The following MAST4 variants were observed in gnomAD, a reference collection of about 807,000 sequenced individuals.
The protein encoded by MAST4 is microtubule-associated serine/threonine-protein kinase 4.
In MAST4, 89 loss-of-function variants were observed where a neutral mutation model predicts 162.7. The ratio of observed to expected loss-of-function variants is 0.55; its 90% CI spans 0.46 to 0.65. MAST4 has a LOEUF of 0.65. Ranked by LOEUF, MAST4 falls within the 30% of genes least tolerant of loss-of-function variation. The probability of loss-of-function intolerance (pLI) is 0.00; values close to 1 mark genes in which losing one functional copy is unlikely to be tolerated. For missense variants in MAST4, 3,153 were observed against 3,374.0 expected (o/e 0.93, Z 1.62); for synonymous variants, 1,479 against 1,361.1 (o/e 1.09, Z -1.91).
intron 1 of MAST4, among the ~76,000 whole-genome samples, chr5:66,689,335 A>G (rs1036215092): frequency 2.6e-5 from 4 of 152,146 alleles, no homozygotes; most frequent in Admixed American, 6.6e-5. Context: ...CTGTCCCCTA[A>G]TCCGAGTTTC....
intron 1 of MAST4, among the ~76,000 whole-genome samples, chr5:66,635,126 C>T (rs1745027419): frequency 6.6e-6 from 1 of 152,214 alleles, no homozygotes; most frequent in African/African-American, 2.4e-5. Flanking sequence ...CTAAAGAGCA[C>T]CAAATCTTTC....
intron 5 of MAST4, among the ~76,000 whole-genome samples, chr5:67,081,236 G>T (rs1762620184): frequency 6.6e-6 from 1 of 150,838 alleles, no homozygotes; most frequent in Admixed American, 6.7e-5. Context: ...TTGGGTAAGA[G>T]TAGCAATAGG....
Position 67,004,730 on chromosome 5 carries a change from A to G in MAST4, c.675-49674A>G, listed in dbSNP as rs552038988. ...ATAGCTGGCCGAGCCTGACTAGGAG[A>G]GGGCAGACCCGAGAGGAAATCAGTT... On this transcript the variant is annotated intron_variant, in intron 4 of 28. Coordinates refer to ENST00000403625, the MANE Select transcript of MAST4 (RefSeq NM_001164664.2). The G allele has an allele frequency of 7.1e-6, 3 of 422,866 alleles. No individual in the cohort carries two copies. The East Asian group carries it at 1.3e-4, about 18-fold the overall frequency. The allele number at this position is 422,866 out of a possible 1,614,324, so 26.2% of individuals were successfully genotyped here. A position where few individuals can be genotyped will look rare whatever the true frequency, so the allele number is the denominator to read the frequency against.
chr5:66,878,846 G>A (rs563887756), intron 3 of MAST4, among the ~76,000 whole-genome samples: 2 of 152,220 alleles, frequency 1.3e-5, no homozygotes, highest in South Asian at 2.1e-4. Context: ...TTTTGTCTCC[G>A]TTGGCTTTAA....
At chr5:66,704,146 A>G (rs1199624341) in intron 1 of MAST4, among the ~76,000 whole-genome samples, 3 of 152,104 alleles carry the variant, frequency 2.0e-5, no homozygotes, top group Non-Finnish European at 2.9e-5. Flanking sequence ...AACCATTTGT[A>G]TCTCATTTTA....
chr5:67,067,127 T>C (rs186118224), intron 5 of MAST4, among the ~76,000 whole-genome samples: 3 of 152,358 alleles, frequency 2.0e-5, no homozygotes, highest in African/African-American at 4.8e-5. Flanking sequence ...GACTATACTT[T>C]AGTGTAGAAA....
intron 1 of MAST4, among the ~76,000 whole-genome samples, chr5:66,755,222 A>G (rs1389178848): frequency 6.6e-6 from 1 of 152,230 alleles, no homozygotes; most frequent in African/African-American, 2.4e-5. Context: ...TGGAGGATTT[A>G]CTAGTTGGAT....
rs140725539 is a variant in MAST4, at chr5:66,856,340, C to G, written c.643-43611C>G. Among the ~76,000 whole-genome samples, 3 of 152,240 alleles carry G rather than the reference C, an allele frequency of 2.0e-5. No individual in the cohort carries two copies. In the East Asian group the frequency reaches 5.8e-4, roughly 29 times the overall value. ...TGTAGGTGTCAGCTGCACTTGCAGA[C>G]AGAGCACTAAGGCCTGATCCCAGGT... On this transcript the variant is annotated intron_variant, in intron 3 of 28. Coordinates refer to ENST00000403625, the MANE Select transcript of MAST4 (RefSeq NM_001164664.2).
rs1175880223 is a variant in MAST4 at position 67,055,672 on chromosome 5, C to G, written c.763+1180C>G. On this transcript the variant is annotated intron_variant, in intron 5 of 28. Transcript: ENST00000403625. ...GACACTGTAAAATGACCACTAACATCTAGAAAGGCCTTTCCCAGGTAAAAC... is the reference window on the plus strand; with the variant it reads ...GACACTGTAAAATGACCACTAACATGTAGAAAGGCCTTTCCCAGGTAAAAC... 2.0e-5 allele frequency among the ~76,000 whole-genome samples: 3 copies of G among 152,290 alleles called. No individual in the cohort carries two copies. In the East Asian group the frequency reaches 5.8e-4, roughly 29 times the overall value.
chr5:66,733,860 G>A (rs1752007268), intron 1 of MAST4, among the ~76,000 whole-genome samples: 1 of 152,084 alleles, frequency 6.6e-6, no homozygotes, highest in Non-Finnish European at 1.5e-5. Flanking sequence ...TTACTTAGTG[G>A]TATATGCCTG....
intron 14 of MAST4, among the ~76,000 whole-genome samples, chr5:67,124,923 G>T (rs891514581): frequency 1.3e-5 from 2 of 152,124 alleles, no homozygotes; most frequent in South Asian, 4.2e-4. Flanking sequence ...AAAATCATGG[G>T]TAAGTCCATT....
intron 1 of MAST4, among the ~76,000 whole-genome samples, chr5:66,600,551 A>C (rs893195786): frequency 1.3e-5 from 2 of 152,268 alleles, no homozygotes; most frequent in African/African-American, 4.8e-5. Flanking sequence ...GTAGGTGCTC[A>C]GTAAATATAT....
At chr5:66,761,352 A>G (rs1314709439) in intron 2 of MAST4, among the ~76,000 whole-genome samples, 1 of 152,218 alleles carries the variant, frequency 6.6e-6, no homozygotes, top group Non-Finnish European at 1.5e-5. Flanking sequence ...CCTAGCTTTT[A>G]AAAGGTAACT....
At chr5:67,102,160 C>G (rs1277063425) in intron 8 of MAST4, among the ~76,000 whole-genome samples, 1 of 151,944 alleles carries the variant, frequency 6.6e-6, no homozygotes, top group Non-Finnish European at 1.5e-5. Context: ...AGATGTTGCT[C>G]TTTGTAGCTA....
chr5:66,903,895 C>G (rs1294573347), intron 4 of MAST4, among the ~76,000 whole-genome samples: 1 of 152,190 alleles, frequency 6.6e-6, no homozygotes, highest in East Asian at 1.9e-4. Context: ...GCCGTGTTCT[C>G]TTAGGTTCTG....
At chr5:66,690,075 T>C (rs1369090808) in intron 1 of MAST4, among the ~76,000 whole-genome samples, 1 of 152,154 alleles carries the variant, frequency 6.6e-6, no homozygotes, top group Non-Finnish European at 1.5e-5. Context: ...TGTGAGACGA[T>C]GGAAAAGCTC....
intron 4 of MAST4, among the ~76,000 whole-genome samples, chr5:66,983,396 T>C (rs1353169298): frequency 6.6e-6 from 1 of 152,220 alleles, no homozygotes; most frequent in African/African-American, 2.4e-5. Flanking sequence ...ATGATTTTGA[T>C]AGAAGCTAGA....
intron 1 of MAST4, among the ~76,000 whole-genome samples, chr5:66,642,202 A>T (rs777149639): frequency 6.6e-6 from 1 of 152,216 alleles, no homozygotes; most frequent in African/African-American, 2.4e-5. Context: ...CTGCCAATTT[A>T]TAAGAAATAT....
intron 1 of MAST4, among the ~76,000 whole-genome samples, chr5:66,663,707 A>G (rs775794523): frequency 6.6e-6 from 1 of 152,280 alleles, no homozygotes; most frequent in South Asian, 2.1e-4. Flanking sequence ...CAGAGAGATA[A>G]TGGGGCAGAT....
Sources: allele counts gnomAD v4.1 joint callset (sites outside exome capture counted in the v4.1 genomes callset), GRCh38; gene constraint gnomAD v4.1.1; transcripts MANE v1.5; gene names NCBI Gene and HGNC (gene_info 2026-07-23, HGNC 2026-07-21).